TMEM117: variants seen among roughly 807,000 people sequenced by gnomAD.
TMEM117 encodes the protein transmembrane protein 117.
A neutral mutation model predicts 52.4 loss-of-function variants in TMEM117; 27 were observed. That is an observed-to-expected ratio of 0.51 (90% CI 0.38 to 0.71). The LOEUF is 0.71. Ranked by LOEUF, TMEM117 falls within the 30% of genes least tolerant of loss-of-function variation. The probability of loss-of-function intolerance (pLI) is 0.00; values close to 1 mark genes in which losing one functional copy is unlikely to be tolerated. For missense variants in TMEM117, 556 were observed against 630.5 expected (o/e 0.88, Z 1.26); for synonymous variants, 215 against 206.3 (o/e 1.04, Z -0.36).
At chr12:44,131,773 A>G (rs1183907506) in intron 3 of TMEM117, among the ~76,000 whole-genome samples, 3 of 152,094 alleles carry the variant, frequency 2.0e-5, no homozygotes, top group Non-Finnish European at 4.4e-5. Context: ...ACCAAATTTT[A>G]TGTTGTTGTT....
At chr12:44,189,976 C>T (rs77847856) in intron 4 of TMEM117, among the ~76,000 whole-genome samples, 1 of 152,050 alleles carries the variant, frequency 6.6e-6, no homozygotes. Context: ...AGGCCTATGC[C>T]AAAATATGAT....
intron 6 of TMEM117, among the ~76,000 whole-genome samples, chr12:44,311,907 A>G (rs1042854493): frequency 4.5e-5 from 6 of 133,998 alleles, no homozygotes; most frequent in South Asian, 2.2e-4. Flanking sequence ...GTATATATAT[A>G]TGTGTGTATA....
chr12:43,967,636 C>A (rs1945507498), intron 3 of TMEM117, among the ~76,000 whole-genome samples: 1 of 152,068 alleles, frequency 6.6e-6, no homozygotes, highest in Non-Finnish European at 1.5e-5. Context: ...CAGTTCCTTC[C>A]CAGATCAAGC....
At chr12:43,937,518 G>A (rs1944971791) in intron 2 of TMEM117, among the ~76,000 whole-genome samples, 1 of 152,178 alleles carries the variant, frequency 6.6e-6, no homozygotes, top group African/African-American at 2.4e-5. Context: ...ATACAGAAAT[G>A]TATGTGGTGT....
chr12:43,895,948 C>T (rs567537642), intron 2 of TMEM117, among the ~76,000 whole-genome samples: 122 of 152,246 alleles, frequency 8.0e-4, no homozygotes, highest in Non-Finnish European at 1.3e-3. Context: ...TCTGCAATTT[C>T]ATTTTCTCCT....
At chr12:43,906,936 C>T (rs1366997715) in intron 2 of TMEM117, among the ~76,000 whole-genome samples, 1 of 152,190 alleles carries the variant, frequency 6.6e-6, no homozygotes, top group African/African-American at 2.4e-5. Flanking sequence ...CCTGCCATTG[C>T]CCAGGCTTGC....
intron 3 of TMEM117, among the ~76,000 whole-genome samples, chr12:44,141,499 T>C (rs1031711575): frequency 9.9e-5 from 15 of 152,130 alleles, no homozygotes; most frequent in Non-Finnish European, 1.8e-4. Context: ...CCTGTCTCTA[T>C]TTTTAGATAG....
At position 44,279,658 on chromosome 12, in the gene TMEM117, C is replaced by T. The variant is rs575860541; in HGVS notation, c.609-19922C>T. Among the ~76,000 whole-genome samples the T allele has an allele frequency of 5.9e-5, 9 of 152,028 alleles. No homozygotes were observed. In the East Asian group the frequency reaches 1.7e-3, roughly 29 times the overall value. On this transcript the variant is annotated intron_variant, in intron 5 of 7. Coordinates refer to ENST00000266534, the MANE Select transcript of TMEM117 (RefSeq NM_032256.3). ...CCTCCTGAGAAGCTGAGATTACAGG[C>T]GCATGCCACCACGCCCGCCTAATTT...
chr12:44,262,831 C>G (rs1263625461), intron 5 of TMEM117, among the ~76,000 whole-genome samples: 2 of 152,206 alleles, frequency 1.3e-5, no homozygotes, highest in Non-Finnish European at 2.9e-5. Flanking sequence ...TCGTGATCCA[C>G]CCGCCTCGGC....
At chr12:44,132,558 G>C (rs1207586693) in intron 3 of TMEM117, among the ~76,000 whole-genome samples, 1 of 152,094 alleles carries the variant, frequency 6.6e-6, no homozygotes, top group Non-Finnish European at 1.5e-5. Flanking sequence ...TCCAGAGGTA[G>C]AGTTTAGCTT....
chr12:43,870,649 T>C (rs58305896), intron 2 of TMEM117, among the ~76,000 whole-genome samples: 1,809 of 152,304 alleles, frequency 0.012, 38 homozygotes, highest in African/African-American at 0.041. Context: ...ATGGGATTGC[T>C]GGGTTGAGTG....
intron 2 of TMEM117, among the ~76,000 whole-genome samples, chr12:43,864,338 C>T (rs1943545734): frequency 6.6e-6 from 1 of 152,254 alleles, no homozygotes; most frequent in African/African-American, 2.4e-5. Flanking sequence ...GTGCGAGATC[C>T]ACTGGGTGAA....
intron 5 of TMEM117, among the ~76,000 whole-genome samples, chr12:44,259,888 C>T (rs1004990599): frequency 6.6e-6 from 1 of 152,150 alleles, no homozygotes; most frequent in Non-Finnish European, 1.5e-5. Flanking sequence ...GAATGAAGGA[C>T]ATCAGTTTAT....
chr12:44,093,264 C>G (rs1403531653), intron 3 of TMEM117, among the ~76,000 whole-genome samples: 1 of 152,028 alleles, frequency 6.6e-6, no homozygotes, highest in Non-Finnish European at 1.5e-5. Context: ...TATATATTCA[C>G]AGCTCCCCAG....
chr12:44,162,699 T>C (rs1035945440), intron 4 of TMEM117, among the ~76,000 whole-genome samples: 1 of 152,204 alleles, frequency 6.6e-6, no homozygotes, highest in Non-Finnish European at 1.5e-5. Flanking sequence ...GAATGAATAC[T>C]GATGATGCAG....
At chr12:44,394,787 T>C in the TMEM117 span, among the ~76,000 whole-genome samples, 3 of 152,310 alleles carry the variant, frequency 2.0e-5, no homozygotes, top group East Asian at 5.8e-4. Flanking sequence ...CCCTGCACTT[T>C]AGGATCTTCC....
chr12:44,066,457 T>C (rs1239539126), intron 3 of TMEM117, among the ~76,000 whole-genome samples: 1 of 152,186 alleles, frequency 6.6e-6, no homozygotes, highest in African/African-American at 2.4e-5. Flanking sequence ...TATTGCTTGA[T>C]TGGAGGAACC....
At chr12:44,024,157 C>T (rs1423013175) in intron 3 of TMEM117, among the ~76,000 whole-genome samples, 1 of 152,150 alleles carries the variant, frequency 6.6e-6, no homozygotes, top group African/African-American at 2.4e-5. Flanking sequence ...TTGCTAAGTG[C>T]AGCACTAAGG....
intron 5 of TMEM117, among the ~76,000 whole-genome samples, chr12:44,265,898 G>T (rs1476974195): frequency 1.3e-5 from 2 of 152,008 alleles, no homozygotes; most frequent in Non-Finnish European, 1.5e-5. Context: ...TGCTTTCAAG[G>T]TTTGTCCATT....
Sources: allele counts gnomAD v4.1 joint callset (sites outside exome capture counted in the v4.1 genomes callset), GRCh38; gene constraint gnomAD v4.1.1; transcripts MANE v1.5; gene names NCBI Gene and HGNC (gene_info 2026-07-23, HGNC 2026-07-21).